The following SLC60A2 variants were observed in gnomAD, a reference collection of about 807,000 sequenced individuals.
SLC60A2 encodes the protein major facilitator superfamily domain containing 4B.
At chr6:111,261,256 T>C in the SLC60A2 span, among the ~76,000 whole-genome samples, 1 of 152,216 alleles carries the variant, frequency 6.6e-6, no homozygotes, top group Admixed American at 6.6e-5. Context: ...GGGGAAGGAC[T>C]CCATGTGCAT....
At chr6:111,274,082 C>T in the SLC60A2 span, among the ~76,000 whole-genome samples, 3 of 152,114 alleles carry the variant, frequency 2.0e-5, no homozygotes, top group Non-Finnish European at 2.9e-5. Context: ...TCTCAAACTC[C>T]TGGGCTCAAG....
At chr6:111,270,179 A>C in the SLC60A2 span, 1 of 152,158 alleles carries the variant, frequency 6.6e-6, no homozygotes, top group Non-Finnish European at 1.5e-5. Flanking sequence ...AAGCAGGAGA[A>C]TCTCTAAATG....
the SLC60A2 span, chr6:111,266,427 G>A: frequency 1.9e-6 from 3 of 1,613,948 alleles, no homozygotes; most frequent in Middle Eastern, 1.6e-4. Flanking sequence ...AATCTTTTTT[G>A]CTACCTGTTT....
the SLC60A2 span, chr6:111,266,630 A>G: frequency 6.2e-7 from 1 of 1,614,162 alleles, no homozygotes; most frequent in Non-Finnish European, 8.5e-7. Context: ...AATCTGCAGC[A>G]TTTTTTGTAA....
the SLC60A2 span, chr6:111,270,412 A>C: frequency 6.6e-6 from 1 of 152,190 alleles, no homozygotes; most frequent in African/African-American, 2.4e-5. Context: ...GCAGGACATG[A>C]TGGCTCACAC....
the SLC60A2 span, among the ~76,000 whole-genome samples, chr6:111,271,803 A>AAAAAAAAAAAG: frequency 1.2e-5 from 1 of 86,826 alleles, no homozygotes; most frequent in South Asian, 4.4e-4. Context: ...AAAAAAAAAA[A>AAAAAAAAAAAG]AAAGTACAAA....
the SLC60A2 span, chr6:111,270,105 C>G: frequency 1.3e-5 from 2 of 152,084 alleles, no homozygotes; most frequent in African/African-American, 2.4e-5. Context: ...GAGAGGCCTC[C>G]CACAGTTCTT....
At chr6:111,263,969 TC>T in the SLC60A2 span, 1 of 1,211,510 alleles carries the variant, frequency 8.3e-7, no homozygotes, top group Non-Finnish European at 1.2e-6. Flanking sequence ...TTCAACGTCA[TC>T]TCTGGGAGTA....
At chr6:111,267,109 C>G in the SLC60A2 span, 1 of 1,606,778 alleles carries the variant, frequency 6.2e-7, no homozygotes, top group Non-Finnish European at 8.5e-7. Context: ...ACAAAAGGGA[C>G]TAACGTTTAG....
the SLC60A2 span, among the ~76,000 whole-genome samples, chr6:111,278,996 T>G: frequency 6.6e-6 from 1 of 152,242 alleles, no homozygotes; most frequent in African/African-American, 2.4e-5. Context: ...CACCTGGCAG[T>G]GTTTAAAAAT....
chr6:111,266,858 C>T, the SLC60A2 span: 14 of 1,613,654 alleles, frequency 8.7e-6, no homozygotes, highest in African/African-American at 2.7e-5. Flanking sequence ...TCTCTAGCTC[C>T]GGGCTAAATG....
the SLC60A2 span, among the ~76,000 whole-genome samples, chr6:111,271,924 C>T: frequency 6.6e-6 from 1 of 151,760 alleles, no homozygotes; most frequent in East Asian, 1.9e-4. Flanking sequence ...GCTGAGATCA[C>T]GCTACTGCAC....
the SLC60A2 span, among the ~76,000 whole-genome samples, chr6:111,264,660 C>T: frequency 6.6e-6 from 1 of 151,642 alleles, no homozygotes; most frequent in African/African-American, 2.4e-5. Context: ...TGGTGGTGGG[C>T]GCCTGTAGTC....
At chr6:111,262,803 C>T in the SLC60A2 span, among the ~76,000 whole-genome samples, 2 of 152,262 alleles carry the variant, frequency 1.3e-5, no homozygotes, top group African/African-American at 4.8e-5. Context: ...CCAGGCTACA[C>T]CCTGGATTGG....
the SLC60A2 span, among the ~76,000 whole-genome samples, chr6:111,271,640 C>G: frequency 6.6e-6 from 1 of 151,586 alleles, no homozygotes; most frequent in Non-Finnish European, 1.5e-5. Context: ...ATAGCTTTCT[C>G]ATGTCCAGAA....
chr6:111,266,273 C>T, the SLC60A2 span: 1 of 1,613,882 alleles, frequency 6.2e-7, no homozygotes, highest in East Asian at 2.2e-5. Flanking sequence ...TTTTTCTGTT[C>T]TTCTTTTTTT....
the SLC60A2 span, among the ~76,000 whole-genome samples, chr6:111,275,215 A>G: frequency 6.6e-6 from 1 of 151,718 alleles, no homozygotes; most frequent in African/African-American, 2.4e-5. Context: ...CTCTGTGACT[A>G]TTCTTATATA....
the SLC60A2 span, among the ~76,000 whole-genome samples, chr6:111,261,987 A>G: frequency 6.6e-6 from 1 of 152,202 alleles, no homozygotes; most frequent in African/African-American, 2.4e-5. Context: ...ATTACATTTT[A>G]TTAATACAGA....
At chr6:111,275,086 C>CT in the SLC60A2 span, among the ~76,000 whole-genome samples, 58,343 of 139,504 alleles carry the variant, frequency 0.42, 14,296 homozygotes, top group Non-Finnish European at 0.56. Context: ...CCTTACCTGG[C>CT]TTTTTTTTTT....
Sources: gnomAD v4.1 joint callset for allele counts (sites outside exome capture counted in the v4.1 genomes callset) on GRCh38, gnomAD v4.1.1 for gene constraint, MANE v1.5 for transcripts, NCBI Gene and HGNC (gene_info 2026-07-23, HGNC 2026-07-21) for gene names.